The following SETBP1 variants were observed in gnomAD, a reference collection of about 807,000 sequenced individuals.
The protein encoded by SETBP1 is SET-binding protein.
Under a neutral mutation model 101.0 loss-of-function variants are expected in SETBP1, and 9 were observed. The ratio of observed to expected loss-of-function variants is 0.09; its 90% CI spans 0.05 to 0.16. The LOEUF is 0.16. Among genes scored for constraint, SETBP1 ranks in the 10% least tolerant of loss-of-function variants. The pLI, the probability that SETBP1 is intolerant of heterozygous loss-of-function variation, is 1.00. For missense variants in SETBP1, 1,858 were observed against 2,033.8 expected (o/e 0.91, Z 1.66); for synonymous variants, 818 against 788.5 (o/e 1.04, Z -0.63).
intron 5 of SETBP1, among the ~76,000 whole-genome samples, chr18:45,041,627 G>T (rs1293424515): frequency 6.6e-6 from 1 of 152,112 alleles, no homozygotes; most frequent in Non-Finnish European, 1.5e-5. Flanking sequence ...GAGATAAGAA[G>T]GTACTGAAGT....
At chr18:44,888,035 G>A (rs2069688228) in intron 3 of SETBP1, among the ~76,000 whole-genome samples, 1 of 152,102 alleles carries the variant, frequency 6.6e-6, no homozygotes, top group South Asian at 2.1e-4. Context: ...GATCAAATAA[G>A]GAACTGAAAC....
intron 2 of SETBP1, among the ~76,000 whole-genome samples, chr18:44,758,115 C>T (rs543241428): frequency 1.6e-4 from 24 of 152,228 alleles, no homozygotes; most frequent in African/African-American, 5.5e-4. Context: ...GTGTAGCGTA[C>T]AGCTCTAATT....
intron 2 of SETBP1, among the ~76,000 whole-genome samples, chr18:44,808,277 A>G (rs1008002042): frequency 6.6e-6 from 1 of 152,078 alleles, no homozygotes; most frequent in Non-Finnish European, 1.5e-5. Context: ...CCTCCTTCAC[A>G]TGTCTTTATA....
chr18:44,935,907 C>T (rs979062425), intron 3 of SETBP1, among the ~76,000 whole-genome samples: 1 of 152,184 alleles, frequency 6.6e-6, no homozygotes, highest in East Asian at 1.9e-4. Flanking sequence ...AATGTTCCAC[C>T]ACACTAATTT....
At chr18:44,752,751 CA>C (rs2070413598) in intron 2 of SETBP1, among the ~76,000 whole-genome samples, 2 of 152,148 alleles carry the variant, frequency 1.3e-5, no homozygotes, top group Admixed American at 1.3e-4. Flanking sequence ...GTGGAGGCAG[CA>C]TAGAGAGTTA....
intron 3 of SETBP1, among the ~76,000 whole-genome samples, chr18:44,948,047 C>A (rs2071250043): frequency 6.6e-6 from 1 of 152,168 alleles, no homozygotes. Flanking sequence ...AATAAGATTT[C>A]TATGTTTTTG....
At chr18:44,996,097 T>C (rs769982574) in intron 4 of SETBP1, among the ~76,000 whole-genome samples, 32 of 152,216 alleles carry the variant, frequency 2.1e-4, no homozygotes, top group Non-Finnish European at 4.6e-4. Context: ...TTATGTCTAT[T>C]GAACATCAAG....
chr18:44,708,783 A>G (rs995580171), intron 2 of SETBP1, among the ~76,000 whole-genome samples: 1 of 152,206 alleles, frequency 6.6e-6, no homozygotes, highest in African/African-American at 2.4e-5. Context: ...AAGAAGAAAA[A>G]CAAAGCAGCA....
In SETBP1 at chr18:45,063,890, C is replaced by A. The variant is rs548735415; in HGVS notation, c.*192C>A. 14 of 584,640 alleles carry A rather than the reference C, an allele frequency of 2.4e-5. No homozygotes were observed. In the African/African-American group the frequency reaches 2.5e-4, roughly 10 times the overall value. 36.2% of individuals were successfully genotyped at this position (584,640 alleles called of 1,614,324 possible). A position where few individuals can be genotyped will look rare whatever the true frequency, so the allele number is the denominator to read the frequency against. On this transcript the variant is annotated 3_prime_UTR_variant, in exon 6 of 6. Coordinates refer to ENST00000649279, the MANE Select transcript of SETBP1 (RefSeq NM_015559.3). ...CTTGGGAAAGCAAAGCAGGGAGACA[C>A]CTTCAGAAGAAGCTTGTCTGAGCTT...
At chr18:45,050,227 A>G (rs1309203004) in intron 5 of SETBP1, among the ~76,000 whole-genome samples, 1 of 152,238 alleles carries the variant, frequency 6.6e-6, no homozygotes, top group Non-Finnish European at 1.5e-5. Flanking sequence ...AATGCATTCT[A>G]CTTGCCTTGT....
chr18:44,913,769 C>T (rs1445473230), intron 3 of SETBP1, among the ~76,000 whole-genome samples: 1 of 152,180 alleles, frequency 6.6e-6, no homozygotes, highest in African/African-American at 2.4e-5. Context: ...TCAATGTGGT[C>T]TCTCAGGCAT....
intron 1 of SETBP1, among the ~76,000 whole-genome samples, chr18:44,690,028 C>T (rs192886332): frequency 6.6e-6 from 1 of 152,280 alleles, no homozygotes; most frequent in East Asian, 1.9e-4. Flanking sequence ...CCTCCTGCTG[C>T]TAGGTCCTGT....
At chr18:44,888,124 G>A (rs1235645975) in intron 3 of SETBP1, among the ~76,000 whole-genome samples, 1 of 152,124 alleles carries the variant, frequency 6.6e-6, no homozygotes, top group Non-Finnish European at 1.5e-5. Context: ...CAGGGTGCTG[G>A]TCCTGGTCTC....
At chr18:45,030,026 G>A (rs1279760708) in intron 4 of SETBP1, among the ~76,000 whole-genome samples, 1 of 145,550 alleles carries the variant, frequency 6.9e-6, no homozygotes, top group East Asian at 2.0e-4. Context: ...TGATTGCCCT[G>A]GCCAGAACTT....
intron 2 of SETBP1, among the ~76,000 whole-genome samples, chr18:44,798,338 T>C (rs2071526666): frequency 6.6e-6 from 1 of 152,080 alleles, no homozygotes; most frequent in Admixed American, 6.6e-5. Flanking sequence ...ATTTTACTCA[T>C]GAGAAAATTG....
At chr18:44,897,023 C>T (rs1365234220) in intron 3 of SETBP1, among the ~76,000 whole-genome samples, 1 of 152,192 alleles carries the variant, frequency 6.6e-6, no homozygotes, top group Non-Finnish European at 1.5e-5. Flanking sequence ...AGTGTATTGA[C>T]TCACTCCTGT....
At chr18:44,869,465 T>C (rs771032339) in intron 3 of SETBP1, 182 bp downstream of exon 3, 8 of 670,498 alleles carry the variant, frequency 1.2e-5, no homozygotes, top group African/African-American at 8.9e-5. Context: ...CATTCTAGCA[T>C]GGACAAAACC....
At chr18:44,744,290 C>G (rs1265837033) in intron 2 of SETBP1, among the ~76,000 whole-genome samples, 1 of 152,258 alleles carries the variant, frequency 6.6e-6, no homozygotes, top group Non-Finnish European at 1.5e-5. Context: ...CGCCTGCTCC[C>G]CCCTTCCCTG....
chr18:44,698,625 T>C (rs1354406732), intron 1 of SETBP1, among the ~76,000 whole-genome samples: 9 of 152,240 alleles, frequency 5.9e-5, no homozygotes, highest in Admixed American at 5.9e-4. Context: ...ATCTGTCTTC[T>C]GCTCTCCTCA....
Sources: gnomAD v4.1 joint callset for allele counts (sites outside exome capture counted in the v4.1 genomes callset) on GRCh38, gnomAD v4.1.1 for gene constraint, MANE v1.5 for transcripts, NCBI Gene and HGNC (gene_info 2026-07-23, HGNC 2026-07-21) for gene names.